Variants in COPG2 observed in about 807,000 individuals in gnomAD.
COPG2 encodes the protein coat protein complex I subunit gamma 2.
Under a neutral mutation model 46.3 loss-of-function variants are expected in COPG2, and 37 were observed. The observed-to-expected ratio is 0.80, with a 90% CI of 0.61 to 1.05. The LOEUF (loss-of-function observed/expected upper bound fraction) is 1.05, where lower values mean the gene tolerates loss of function less well. Among genes scored for constraint, COPG2 ranks in the 50% least tolerant of loss-of-function variants. The pLI, the probability that COPG2 is intolerant of heterozygous loss-of-function variation, is 0.00. For missense variants in COPG2, 427 were observed against 387.8 expected, an observed-to-expected ratio of 1.10 and a Z score of -0.85; for synonymous variants, 159 against 129.7, an observed-to-expected ratio of 1.23 and a Z score of -1.53.
chr7:130,610,127 G>T (rs782302290), intron 9 of COPG2: 10 of 517,872 alleles, frequency 1.9e-5, no homozygotes, highest in Admixed American at 7.8e-5. Context: ...TGTATTTTTT[G>T]ATTGTTTGCT....
chr7:130,630,287 A>C (rs1584592471), intron 5 of COPG2, among the ~76,000 whole-genome samples: 1 of 152,196 alleles, frequency 6.6e-6, no homozygotes, highest in African/African-American at 2.4e-5. Flanking sequence ...ATCTTTCATC[A>C]GATTCACCCC....
rs550398502 is a variant in COPG2, at chr7:130,598,156, T to C, written c.737+12797A>G. Reference sequence around the variant, plus strand: ...ATAAGATCTCAAGGATGCTTTTTTTTTTGTATCCCTCTGCACACTGACTCT... The same window carrying C: ...ATAAGATCTCAAGGATGCTTTTTTTCTTGTATCCCTCTGCACACTGACTCT... On this transcript the variant is annotated intron_variant, in intron 9 of 23. Coordinates refer to ENST00000425248, the MANE Select transcript of COPG2 (RefSeq NM_012133.6). 5.0e-4 allele frequency among the ~76,000 whole-genome samples: 76 copies of C among 152,278 alleles called. 1 individual carries two copies. Among genetic ancestry groups the C allele is most frequent in the African/African-American group, 1.7e-3 (72 of 41,568 alleles).
intron 9 of COPG2, among the ~76,000 whole-genome samples, chr7:130,601,995 T>G (rs183372654): frequency 4.1e-4 from 63 of 152,246 alleles, no homozygotes; most frequent in African/African-American, 1.4e-3. Context: ...TAAGTAAAAT[T>G]ACGTGGATCC....
At chr7:130,647,786 A>C (rs1026045709) in intron 5 of COPG2, among the ~76,000 whole-genome samples, 1 of 148,222 alleles carries the variant, frequency 6.7e-6, no homozygotes, top group Non-Finnish European at 1.5e-5. Flanking sequence ...GCTGGAGTGC[A>C]GTGGCATGAT....
chr7:130,636,538 G>GTTTTTTT (rs59688621), intron 5 of COPG2, among the ~76,000 whole-genome samples: 20 of 94,110 alleles, frequency 2.1e-4, no homozygotes, highest in Non-Finnish European at 2.8e-4. Flanking sequence ...ATTGCAACCG[G>GTTTTTTT]TTTTTTTTTT....
At chr7:130,563,730 T>C (rs2116404946) in intron 10 of COPG2, among the ~76,000 whole-genome samples, 1 of 117,248 alleles carries the variant, frequency 8.5e-6, no homozygotes, top group African/African-American at 3.4e-5. Context: ...CACTCCTGCC[T>C]CAGTGACAGA....
intron 11 of COPG2, among the ~76,000 whole-genome samples, chr7:130,562,026 G>A (rs1279620547): frequency 6.6e-6 from 1 of 152,136 alleles, no homozygotes; most frequent in Non-Finnish European, 1.5e-5. Flanking sequence ...CTGGCCCCAA[G>A]ATTAGAGATG....
intron 5 of COPG2, chr7:130,645,358 C>T (rs976718677): frequency 1.8e-6 from 1 of 561,898 alleles, no homozygotes; most frequent in Non-Finnish European, 3.6e-6. Flanking sequence ...ATTGTTAGAT[C>T]TCAGGTATAG....
chr7:130,631,057 G>A (rs893556003), intron 5 of COPG2, among the ~76,000 whole-genome samples: 3 of 151,922 alleles, frequency 2.0e-5, no homozygotes, highest in African/African-American at 7.3e-5. Context: ...TAATTGAAGT[G>A]TTTAGAATAG....
intron 20 of COPG2, among the ~76,000 whole-genome samples, chr7:130,524,408 C>T (rs1315099626): frequency 1.3e-5 from 2 of 152,130 alleles, no homozygotes; most frequent in African/African-American, 4.8e-5. Flanking sequence ...GCAGGAGAAA[C>T]GACCAACCTG....
At chr7:130,567,447 A>C (rs1233961701) in intron 9 of COPG2, among the ~76,000 whole-genome samples, 1 of 152,214 alleles carries the variant, frequency 6.6e-6, no homozygotes. Context: ...ATCCAAATAC[A>C]AGAAGCTCAA....
At chr7:130,558,437 C>G (rs1211927279) in intron 12 of COPG2, among the ~76,000 whole-genome samples, 2 of 152,192 alleles carry the variant, frequency 1.3e-5, no homozygotes, top group Admixed American at 1.3e-4. Context: ...CAGATGCTGC[C>G]ATGCTTCCTG....
At chr7:130,592,869 C>T (rs570846712) in intron 9 of COPG2, among the ~76,000 whole-genome samples, 1 of 152,348 alleles carries the variant, frequency 6.6e-6, no homozygotes, top group South Asian at 2.1e-4. Flanking sequence ...TCTTGTATCC[C>T]ACCTGATCAC....
intron 9 of COPG2, among the ~76,000 whole-genome samples, chr7:130,608,663 C>A (rs2116497262): frequency 6.6e-6 from 1 of 152,176 alleles, no homozygotes; most frequent in Non-Finnish European, 1.5e-5. Context: ...AATGAGAAGT[C>A]AACGATTCTT....
intron 20 of COPG2, among the ~76,000 whole-genome samples, chr7:130,518,374 T>G (rs1478180595): frequency 6.6e-6 from 1 of 152,162 alleles, no homozygotes; most frequent in Non-Finnish European, 1.5e-5. Flanking sequence ...AGGGTGAATC[T>G]TGATTCAAAG....
intron 20 of COPG2, among the ~76,000 whole-genome samples, chr7:130,543,200 T>G (rs1793371536): frequency 6.6e-6 from 1 of 152,196 alleles, no homozygotes; most frequent in Non-Finnish European, 1.5e-5. Flanking sequence ...GTGTTTAATG[T>G]GGTCTCCAAC....
At chr7:130,640,431 T>TTTA (rs1161743261) in intron 5 of COPG2, among the ~76,000 whole-genome samples, 23 of 151,242 alleles carry the variant, frequency 1.5e-4, no homozygotes, top group Non-Finnish European at 2.2e-4. Flanking sequence ...AGGGTTGTTA[T>TTTA]TTATTATTAT....
At chr7:130,526,839 G>A (rs1310093857) in intron 20 of COPG2, among the ~76,000 whole-genome samples, 2 of 148,642 alleles carry the variant, frequency 1.3e-5, no homozygotes, top group African/African-American at 2.5e-5. Flanking sequence ...GGTGGGGATG[G>A]GGTTCGGGGT....
At chr7:130,651,944 C>G (rs1554459187) in intron 5 of COPG2, among the ~76,000 whole-genome samples, 1 of 152,204 alleles carries the variant, frequency 6.6e-6, no homozygotes, top group Non-Finnish European at 1.5e-5. Flanking sequence ...GCCACCATGT[C>G]TGGCACATAA....
Sources: allele counts gnomAD v4.1 joint callset (sites outside exome capture counted in the v4.1 genomes callset), GRCh38; gene constraint gnomAD v4.1.1; transcripts MANE v1.5; gene names NCBI Gene and HGNC (gene_info 2026-07-23, HGNC 2026-07-21).